SLC17A1: variants seen among roughly 807,000 people sequenced by gnomAD.
The protein encoded by SLC17A1 is solute carrier family 17 member 1.
Under a neutral mutation model 53.5 loss-of-function variants are expected in SLC17A1, and 51 were observed. The observed-to-expected ratio is 0.95, with a 90% confidence interval of 0.76 to 1.20. The LOEUF is 1.20. Ranked by LOEUF, SLC17A1 falls within the 50% of genes most tolerant of loss-of-function variation. SLC17A1 has a pLI of 0.00. For synonymous variants in SLC17A1, 179 were observed against 198.8 expected (o/e 0.90, Z 0.84); for missense variants, 538 against 568.2 (o/e 0.95, Z 0.54).
At chr6:25,733,352 C>T in the SLC17A1 span, among the ~76,000 whole-genome samples, 1 of 152,126 alleles carries the variant, frequency 6.6e-6, no homozygotes, top group Non-Finnish European at 1.5e-5. Context: ...TGTAAACTTG[C>T]AGCTTTCAGC....
chr6:25,732,780 T>G, the SLC17A1 span: 8 of 924,194 alleles, frequency 8.7e-6, no homozygotes, highest in Non-Finnish European at 1.1e-5. Flanking sequence ...GCTGTGCTGC[T>G]GTCCCAAAGG....
the SLC17A1 span, among the ~76,000 whole-genome samples, chr6:25,763,317 G>T: frequency 6.6e-6 from 1 of 152,058 alleles, no homozygotes; most frequent in Non-Finnish European, 1.5e-5. Context: ...ATCCTGTTTT[G>T]GTAGTCTCAT....
At chr6:25,726,768 T>C in the SLC17A1 span, 50 of 1,182,764 alleles carry the variant, frequency 4.2e-5, no homozygotes, top group Middle Eastern at 2.7e-4. Flanking sequence ...TCTTTCATCC[T>C]CCAGTTCTGT....
intron 6 of SLC17A1, 99 bp downstream of exon 6, chr6:25,818,969 A>T: frequency 1.3e-6 from 1 of 754,694 alleles, no homozygotes. Flanking sequence ...ATGATTTTTA[A>T]TATTAACTTT....
intron 12 of SLC17A1, among the ~76,000 whole-genome samples, chr6:25,783,831 C>T (rs867278962): frequency 6.0e-5 from 9 of 150,734 alleles, no homozygotes; most frequent in African/African-American, 2.2e-4. Context: ...CCAAAAGTGT[C>T]ACTAGTCCTT....
the SLC17A1 span, among the ~76,000 whole-genome samples, chr6:25,762,940 C>T: frequency 2.0e-5 from 3 of 152,074 alleles, no homozygotes; most frequent in Non-Finnish European, 2.9e-5. Context: ...ATTAATAATA[C>T]GAAGAACTTA....
chr6:25,743,618 T>A, the SLC17A1 span, among the ~76,000 whole-genome samples: 3 of 152,150 alleles, frequency 2.0e-5, no homozygotes, highest in African/African-American at 7.2e-5. Context: ...TTCAATTAAG[T>A]AGTTTATTAA....
intron 3 of SLC17A1, among the ~76,000 whole-genome samples, chr6:25,820,157 G>A (rs1764503063): frequency 6.6e-6 from 1 of 152,150 alleles, no homozygotes; most frequent in South Asian, 2.1e-4. Flanking sequence ...CCTCCCTCCA[G>A]TACCTTTCAC....
the SLC17A1 span, among the ~76,000 whole-genome samples, chr6:25,747,555 T>C: frequency 1.3e-5 from 2 of 152,242 alleles, no homozygotes; most frequent in East Asian, 3.8e-4. Context: ...CCTACCGTTA[T>C]GGACTGAATG....
Position 25,826,648 on chromosome 6 carries a change from A to T in SLC17A1, c.35-15T>A. On this transcript the variant is annotated splice_polypyrimidine_tract_variant and intron_variant, in intron 2 of 12. Transcript: ENST00000244527. The stretch of plus-strand genomic sequence containing the variant: ...GAAACCTGGAACTACAAAGTAAAAC[A>T]GAAAGTCGCAATTGCTGACAGAGCT... 6.5e-7 allele frequency: 1 copy of T among 1,543,336 alleles called. No homozygotes were observed. Among genetic ancestry groups the T allele is most frequent in the Non-Finnish European group, 8.8e-7 (1 of 1,140,004 alleles).
intron 3 of SLC17A1, among the ~76,000 whole-genome samples, chr6:25,821,190 AG>A (rs1408131163): frequency 2.0e-5 from 3 of 152,216 alleles, no homozygotes; most frequent in African/African-American, 4.8e-5. Flanking sequence ...TAAATAAAAT[AG>A]GTAGGAATCC....
chr6:25,763,964 A>G, the SLC17A1 span, among the ~76,000 whole-genome samples: 138,479 of 152,236 alleles, frequency 0.91, 63,107 homozygotes, highest in East Asian at 0.98. Flanking sequence ...AGATTCCACA[A>G]ACGTTGGAAG....
chr6:25,773,334 A>G, the SLC17A1 span: 4 of 1,613,984 alleles, frequency 2.5e-6, no homozygotes, highest in Non-Finnish European at 3.4e-6. Context: ...TGATCCTGTG[A>G]ATCATCCCTT....
Position 25,816,792 on chromosome 6 carries a change from G to C in SLC17A1, c.616+2276C>G, listed in dbSNP as rs141454490. 3.6e-3 allele frequency among the ~76,000 whole-genome samples: 546 copies of C among 152,090 alleles called. 2 individuals carry two copies. The highest frequency in any genetic ancestry group is 0.012 in the African/African-American group (505 of 41,488). Reference sequence around the variant, plus strand: ...GGGAATCATTTTAGAGATTTGAGAAGAGTTAAGAAGTTTGAAATAGTCTTT... The same window carrying C: ...GGGAATCATTTTAGAGATTTGAGAACAGTTAAGAAGTTTGAAATAGTCTTT... On this transcript the variant is annotated intron_variant, in intron 6 of 12. Coordinates refer to ENST00000244527, the MANE Select transcript of SLC17A1 (RefSeq NM_005074.5).
chr6:25,754,321 G>A, the SLC17A1 span, among the ~76,000 whole-genome samples: 2 of 152,050 alleles, frequency 1.3e-5, no homozygotes, highest in Admixed American at 6.5e-5. Context: ...CACTCAAGTC[G>A]ACCAAAATGT....
At chr6:25,772,876 A>G in the SLC17A1 span, among the ~76,000 whole-genome samples, 1,481 of 152,276 alleles carry the variant, frequency 9.7e-3, 13 homozygotes, top group Non-Finnish European at 0.016. Context: ...CCAAAACTCA[A>G]TGGTTTAAAA....
chr6:25,732,902 A>AAAAACC, the SLC17A1 span: 2 of 253,174 alleles, frequency 7.9e-6, no homozygotes, highest in Non-Finnish European at 1.5e-5. Context: ...AAACAAAAAC[A>AAAAACC]AAAACCCCAA....
At chr6:25,807,956 G>A (rs568658546) in intron 10 of SLC17A1, among the ~76,000 whole-genome samples, 49 of 151,960 alleles carry the variant, frequency 3.2e-4, no homozygotes, top group African/African-American at 1.2e-3. Flanking sequence ...TTCATATAAT[G>A]ACTTCTTTTC....
downstream of SLC17A1, chr6:25,778,061 G>A: frequency 1.5e-6 from 2 of 1,291,336 alleles, no homozygotes; most frequent in Non-Finnish European, 2.2e-6. Context: ...GAAACCTATA[G>A]AGGCATGGTT....
Sources: gnomAD v4.1 joint callset for allele counts (sites outside exome capture counted in the v4.1 genomes callset) on GRCh38, gnomAD v4.1.1 for gene constraint, MANE v1.5 for transcripts, NCBI Gene and HGNC (gene_info 2026-07-23, HGNC 2026-07-21) for gene names.